Variants in ST3GAL3 observed in about 807,000 individuals in gnomAD.
ST3GAL3 encodes ST3 beta-galactoside alpha-2,3-sialyltransferase 3, also known as CMP-N-acetylneuraminate-beta-1,4-galactoside alpha-2,3-sialyltransferase.
ST3GAL3 carries 21 observed loss-of-function variants against 50.1 expected under a neutral mutation model. The observed-to-expected ratio is 0.42, with a 90% CI of 0.30 to 0.60. ST3GAL3 has a LOEUF of 0.60. ST3GAL3 is among the 20% of genes least tolerant of loss of function. The probability of loss-of-function intolerance (pLI) is 0.19; values close to 1 mark genes in which losing one functional copy is unlikely to be tolerated. For synonymous variants in ST3GAL3, 183 were observed against 190.0 expected (o/e 0.96, Z 0.30); for missense variants, 353 against 489.4 (o/e 0.72, Z 2.63).
At position 43,899,020 on chromosome 1, in the gene ST3GAL3, C is replaced by A; in HGVS notation, c.462-148C>A. On this transcript the variant is annotated intron_variant, in intron 7 of 11. Transcript: ENST00000347631. The surrounding 1 kb of genome is among the most constrained non-coding windows in gnomAD (Gnocchi z 5.4). ...ACCCATTGTATGGTTCAGGCCTTCT[C>A]TCAGAAATGCTGCCAGAAGCCCATT... is the stretch of plus-strand genomic sequence containing the variant. The A allele has an allele frequency of 2.7e-6, 3 of 1,091,814 alleles. No individual in the cohort carries two copies. The highest frequency in any genetic ancestry group is 4.0e-6 in the Non-Finnish European group (3 of 752,158). The allele number at this position is 1,091,814 out of a possible 1,614,324, so 67.6% of individuals were successfully genotyped here.
intron 2 of ST3GAL3, among the ~76,000 whole-genome samples, chr1:43,764,618 G>A (rs1572394209): frequency 2.0e-5 from 3 of 152,228 alleles, no homozygotes; most frequent in Non-Finnish European, 4.4e-5. Flanking sequence ...ATCGGGCCGT[G>A]ATTCAGTCTC....
At chr1:43,758,669 G>A (rs1348353506) in intron 2 of ST3GAL3, among the ~76,000 whole-genome samples, 1 of 152,070 alleles carries the variant, frequency 6.6e-6, no homozygotes, top group Admixed American at 6.6e-5. Context: ...TAATTATGTA[G>A]GCTAAAGATT....
intron 3 of ST3GAL3, among the ~76,000 whole-genome samples, chr1:43,805,129 T>A (rs748109527): frequency 2.6e-5 from 4 of 152,140 alleles, no homozygotes; most frequent in Non-Finnish European, 4.4e-5. Flanking sequence ...AAAAAGGAAT[T>A]TACCAGAAGG....
intron 11 of ST3GAL3, among the ~76,000 whole-genome samples, chr1:43,924,980 TG>T (rs904747300): frequency 3.3e-5 from 5 of 152,144 alleles, no homozygotes; most frequent in Non-Finnish European, 4.4e-5. Flanking sequence ...CTACACTCCC[TG>T]TAGAGTGCTT....
At chr1:43,819,041 TG>T (rs1161938460) in intron 4 of ST3GAL3, 8 of 152,348 alleles carry the variant, frequency 5.3e-5, no homozygotes, top group Admixed American at 2.6e-4. Context: ...CATAGATGAA[TG>T]AGTATGGCTG....
At chr1:43,802,037 G>A (rs1393286679) in intron 3 of ST3GAL3, among the ~76,000 whole-genome samples, 1 of 151,882 alleles carries the variant, frequency 6.6e-6, no homozygotes, top group African/African-American at 2.4e-5. Context: ...AAAGAACTAT[G>A]ATGAGCAAAA....
rs1345417154 is a variant in ST3GAL3 at position 43,930,629 on chromosome 1, T to C, written c.*408T>C. ...GATGTCAAGTTGGGTTCACTTGCCATGCAGGAAGAGGCCCACTAGAGGGCC... is the reference window on the plus strand; with the variant it reads ...GATGTCAAGTTGGGTTCACTTGCCACGCAGGAAGAGGCCCACTAGAGGGCC... On this transcript the variant is annotated 3_prime_UTR_variant, in exon 12 of 12. Coordinates refer to ENST00000347631, the MANE Select transcript of ST3GAL3 (RefSeq NM_006279.5). 3 of 336,012 alleles carry C rather than the reference T, an allele frequency of 8.9e-6. No individual in the cohort carries two copies. The highest frequency in any genetic ancestry group is 7.7e-5 in the East Asian group (1 of 12,964). The allele number at this position is 336,012 out of a possible 1,614,324, so 20.8% of individuals were successfully genotyped here.
At chr1:43,909,561 T>C (rs2080430739) in intron 9 of ST3GAL3, among the ~76,000 whole-genome samples, 1 of 152,084 alleles carries the variant, frequency 6.6e-6, no homozygotes, top group Non-Finnish European at 1.5e-5. Flanking sequence ...CACATCAAAA[T>C]AAATCCCAAA....
At chr1:43,720,564 G>A (rs1044159653) in intron 1 of ST3GAL3, 2 of 152,248 alleles carry the variant, frequency 1.3e-5, no homozygotes, top group African/African-American at 4.8e-5. Context: ...GGAAGGGCAA[G>A]AGAGAGTGAG....
intron 1 of ST3GAL3, among the ~76,000 whole-genome samples, chr1:43,730,529 GATTTCTT>G (rs1675172124): frequency 1.2e-5 from 1 of 83,272 alleles, no homozygotes; most frequent in Non-Finnish European, 3.0e-5. Flanking sequence ...ACAAGTTTCT[GATTTCTT>G]TTTCTTTTCT....
chr1:43,907,386 C>T (rs766864080), intron 9 of ST3GAL3, among the ~76,000 whole-genome samples: 1 of 152,180 alleles, frequency 6.6e-6, no homozygotes, highest in Non-Finnish European at 1.5e-5. Flanking sequence ...GGGAGAGAAG[C>T]TACAGCCAAG....
chr1:43,766,236 G>A (rs1170555821), intron 2 of ST3GAL3, among the ~76,000 whole-genome samples: 1 of 152,126 alleles, frequency 6.6e-6, no homozygotes, highest in Admixed American at 6.6e-5. Flanking sequence ...GAGGATTACT[G>A]CTGACTGACA....
chr1:43,762,067 A>G (rs1435490468), intron 2 of ST3GAL3, among the ~76,000 whole-genome samples: 1 of 151,132 alleles, frequency 6.6e-6, no homozygotes, highest in Non-Finnish European at 1.5e-5. Context: ...GAAGTTTGAG[A>G]CCAGACTGGG....
At chr1:43,880,802 G>A (rs1210245894) in intron 5 of ST3GAL3, among the ~76,000 whole-genome samples, 1 of 152,152 alleles carries the variant, frequency 6.6e-6, no homozygotes, top group Non-Finnish European at 1.5e-5. Context: ...ATACGAACGA[G>A]GATATAAATA....
rs550596033 is a variant in ST3GAL3 at position 43,728,479 on chromosome 1, G to A, written c.-30-7754G>A. On this transcript the variant is annotated intron_variant, in intron 1 of 11. Transcript: ENST00000347631. ...ATGTTGGGGGGGTGGGCACAGTGGC[G>A]CACGCCTGTAATCCCAGCACTTTGG... Among the ~76,000 whole-genome samples, 20 of 152,254 alleles carry A rather than the reference G, an allele frequency of 1.3e-4. 1 individual carries two copies. The highest frequency in any genetic ancestry group is 6.5e-4 in the Admixed American group (10 of 15,298).
chr1:43,869,342 T>C (rs2072076299), intron 5 of ST3GAL3, among the ~76,000 whole-genome samples: 1 of 152,210 alleles, frequency 6.6e-6, no homozygotes, highest in South Asian at 2.1e-4. Context: ...TTCAGAGATT[T>C]GAAGCTGGTG....
chr1:43,740,568 T>C (rs1335280707), intron 2 of ST3GAL3, among the ~76,000 whole-genome samples: 1 of 151,872 alleles, frequency 6.6e-6, no homozygotes, highest in Non-Finnish European at 1.5e-5. Context: ...GGAGGATTTC[T>C]TGAGGCTGGG....
At chr1:43,893,284 T>G (rs1212565370) in intron 5 of ST3GAL3, among the ~76,000 whole-genome samples, 1 of 152,052 alleles carries the variant, frequency 6.6e-6, no homozygotes, top group Non-Finnish European at 1.5e-5. Flanking sequence ...TCAGGGTGAG[T>G]TAGAAATAAC....
At chr1:43,830,882 C>T (rs940689841) in intron 4 of ST3GAL3, among the ~76,000 whole-genome samples, 3 of 152,134 alleles carry the variant, frequency 2.0e-5, no homozygotes, top group Admixed American at 6.5e-5. Context: ...AGTTATTTTC[C>T]TTCTTAAATT....
Sources: allele counts gnomAD v4.1 joint callset (sites outside exome capture counted in the v4.1 genomes callset), GRCh38; gene constraint gnomAD v4.1.1; non-coding constraint Gnocchi (gnomAD v3.1); transcripts MANE v1.5; gene names NCBI Gene and HGNC (gene_info 2026-07-23, HGNC 2026-07-21).